CNTNAP5: variants seen among roughly 807,000 people sequenced by gnomAD.
The protein encoded by CNTNAP5 is contactin associated protein family member 5, also known as contactin-associated protein-like 5.
A neutral mutation model predicts 150.2 loss-of-function variants in CNTNAP5; 72 were observed. The observed-to-expected ratio is 0.48, with a 90% CI of 0.40 to 0.58. The LOEUF is 0.58. Ranked by LOEUF, CNTNAP5 falls within the 20% of genes least tolerant of loss-of-function variation. The pLI, the probability that CNTNAP5 is intolerant of heterozygous loss-of-function variation, is 0.00. For missense variants in CNTNAP5, 1,636 were observed against 1,626.2 expected, an observed-to-expected ratio of 1.01 and a Z score of -0.10; for synonymous variants, 672 against 619.8, an observed-to-expected ratio of 1.08 and a Z score of -1.25.
intron 16 of CNTNAP5, among the ~76,000 whole-genome samples, chr2:124,771,907 A>G (rs1248098603): frequency 2.0e-5 from 3 of 150,934 alleles, no homozygotes; most frequent in Non-Finnish European, 4.4e-5. Context: ...CACTATCACT[A>G]TCACCATTAC....
chr2:124,328,192 A>G (rs973091361), intron 3 of CNTNAP5, among the ~76,000 whole-genome samples: 8 of 152,024 alleles, frequency 5.3e-5, no homozygotes, highest in Admixed American at 5.2e-4. Context: ...TTTATCATAT[A>G]TAAGATAAAT....
chr2:124,701,565 T>G (rs1679522030), intron 13 of CNTNAP5, among the ~76,000 whole-genome samples: 1 of 152,104 alleles, frequency 6.6e-6, no homozygotes, highest in Non-Finnish European at 1.5e-5. Flanking sequence ...CTAGGTTGTA[T>G]GGTAGTTTTA....
At chr2:124,077,128 A>G (rs1682455903) in intron 1 of CNTNAP5, among the ~76,000 whole-genome samples, 1 of 152,148 alleles carries the variant, frequency 6.6e-6, no homozygotes. Flanking sequence ...GGCATATACA[A>G]TTATACACAA....
Position 124,672,019 on chromosome 2 carries a change from A to G in CNTNAP5, c.2077+24061A>G, listed in dbSNP as rs530012418. Among the ~76,000 whole-genome samples, 9 of 152,312 alleles carry G rather than the reference A, an allele frequency of 5.9e-5. No homozygotes were observed. In the South Asian group the frequency reaches 1.9e-3, roughly 32 times the overall value. On this transcript the variant is annotated intron_variant, in intron 13 of 23. Transcript: ENST00000682447. ...CTTGTGTTCATGTGTTAACGATGCC[A>G]TCACAGGGTTCCACAAACTGGTAGC...
chr2:124,094,677 G>A (rs1268376497), intron 1 of CNTNAP5, among the ~76,000 whole-genome samples: 14 of 152,272 alleles, frequency 9.2e-5, no homozygotes, highest in Admixed American at 3.3e-4. Flanking sequence ...TGAGGAAGGG[G>A]TACTTTTTTT....
At position 124,204,417 on chromosome 2, in the gene CNTNAP5, C is replaced by T. The variant is rs530226499; in HGVS notation, c.83-17288C>T. On this transcript the variant is annotated intron_variant, in intron 1 of 23. Transcript: ENST00000682447. ...TTTTCCTATCTTCTTCTGAGCCCTC[C>T]GAACTGTTCCAACCTCTGCCAGTTA... Among the ~76,000 whole-genome samples the T allele has an allele frequency of 1.2e-4, 19 of 152,234 alleles. 1 individual carries two copies. The highest frequency in any genetic ancestry group is 1.2e-3 in the South Asian group (6 of 4,824).
At chr2:124,699,903 G>A (rs1342162602) in intron 13 of CNTNAP5, among the ~76,000 whole-genome samples, 2 of 151,256 alleles carry the variant, frequency 1.3e-5, no homozygotes, top group Non-Finnish European at 2.9e-5. Flanking sequence ...TTGTTTCAGT[G>A]GTTCTTAGTA....
At chr2:124,045,360 G>T (rs1056820657) in intron 1 of CNTNAP5, among the ~76,000 whole-genome samples, 3 of 148,532 alleles carry the variant, frequency 2.0e-5, no homozygotes, top group Admixed American at 1.4e-4. Flanking sequence ...GAGCAATGGT[G>T]CAATCTCGTT....
intron 12 of CNTNAP5, among the ~76,000 whole-genome samples, chr2:124,612,019 G>C (rs898569302): frequency 6.6e-6 from 1 of 152,146 alleles, no homozygotes; most frequent in African/African-American, 2.4e-5. Flanking sequence ...CTTAGGAAGC[G>C]GGCATAGCCT....
chr2:124,373,109 G>A (rs1690568734), intron 3 of CNTNAP5, among the ~76,000 whole-genome samples: 1 of 152,152 alleles, frequency 6.6e-6, no homozygotes, highest in Non-Finnish European at 1.5e-5. Context: ...CACTGTGATA[G>A]AGGAGCAGTG....
intron 13 of CNTNAP5, among the ~76,000 whole-genome samples, chr2:124,685,013 C>T (rs1679158588): frequency 6.6e-6 from 1 of 152,092 alleles, no homozygotes; most frequent in Non-Finnish European, 1.5e-5. Context: ...CTTCTTTGTC[C>T]TTATTACCCA....
At chr2:124,729,185 C>A (rs1186090327) in intron 13 of CNTNAP5, among the ~76,000 whole-genome samples, 2 of 151,984 alleles carry the variant, frequency 1.3e-5, no homozygotes, top group Non-Finnish European at 2.9e-5. Context: ...ACCTTATCTC[C>A]CAATGAGAGG....
intron 5 of CNTNAP5, among the ~76,000 whole-genome samples, chr2:124,435,070 A>G (rs1692494418): frequency 1.3e-5 from 2 of 152,202 alleles, no homozygotes; most frequent in Non-Finnish European, 2.9e-5. Context: ...ATGACGGGGA[A>G]ACATTTTGGT....
rs959088285 is a variant in CNTNAP5 at position 124,388,495 on chromosome 2, C to A, written c.382-28948C>A. ...GCTTTTAAGAAGCTTAGGGAGCCAG[C>A]CTTAACTTATGCATCAATTCCCTGG... On this transcript the variant is annotated intron_variant, in intron 3 of 23. Transcript: ENST00000682447. 2.6e-5 allele frequency among the ~76,000 whole-genome samples: 4 copies of A among 152,286 alleles called. No homozygotes were observed. The South Asian group carries it at 8.3e-4, about 32-fold the overall frequency.
intron 4 of CNTNAP5, among the ~76,000 whole-genome samples, chr2:124,425,720 T>C (rs535531865): frequency 1.3e-5 from 2 of 152,258 alleles, no homozygotes; most frequent in South Asian, 4.1e-4. Context: ...ATCACCATAA[T>C]GCTTCCCTGT....
chr2:124,113,960 A>G (rs1035317935), intron 1 of CNTNAP5, among the ~76,000 whole-genome samples: 2 of 151,830 alleles, frequency 1.3e-5, no homozygotes, highest in Admixed American at 6.6e-5. Context: ...TAAGTTTCCA[A>G]TTATATCCCC....
chr2:124,702,444 A>G (rs2105091526), intron 13 of CNTNAP5, among the ~76,000 whole-genome samples: 1 of 130,954 alleles, frequency 7.6e-6, no homozygotes, highest in East Asian at 2.3e-4. Context: ...TGCCACTCTC[A>G]ACTTGGTGTG....
intron 13 of CNTNAP5, among the ~76,000 whole-genome samples, chr2:124,700,172 C>T (rs1679493095): frequency 6.6e-6 from 1 of 152,050 alleles, no homozygotes; most frequent in African/African-American, 2.4e-5. Flanking sequence ...ATGATTTGTC[C>T]ATGTTGTAGT....
At chr2:124,349,126 T>A (rs1689809717) in intron 3 of CNTNAP5, among the ~76,000 whole-genome samples, 1 of 152,190 alleles carries the variant, frequency 6.6e-6, no homozygotes. Flanking sequence ...AAATACATTC[T>A]GAGAAATGTG....
Sources: gnomAD v4.1 joint callset for allele counts (sites outside exome capture counted in the v4.1 genomes callset) on GRCh38, gnomAD v4.1.1 for gene constraint, MANE v1.5 for transcripts, NCBI Gene and HGNC (gene_info 2026-07-23, HGNC 2026-07-21) for gene names.